Variants in SYNE1 observed in about 807,000 individuals in gnomAD.
The protein encoded by SYNE1 is spectrin repeat containing nuclear envelope protein 1.
SYNE1 carries 616 observed loss-of-function variants against 1,111.0 expected under a neutral mutation model. That is an observed-to-expected ratio of 0.55 (90% confidence interval 0.52 to 0.59). The LOEUF (loss-of-function observed/expected upper bound fraction) is 0.59. SYNE1 is among the 20% of genes least tolerant of loss of function. The pLI is 0.00. For missense variants in SYNE1, 10,006 were observed against 10,417.0 expected, an observed-to-expected ratio of 0.96 and a Z score of 1.72; for synonymous variants, 3,855 against 3,825.8, an observed-to-expected ratio of 1.01 and a Z score of -0.28.
At chr6:152,614,030 AC>A (rs911130723) in intron 3 of SYNE1, among the ~76,000 whole-genome samples, 1 of 152,218 alleles carries the variant, frequency 6.6e-6, no homozygotes. Context: ...AACCACAGAA[AC>A]CCTAGAAGAA....
At chr6:152,399,276 T>A (rs490448) in intron 48 of SYNE1, among the ~76,000 whole-genome samples, 59,593 of 152,022 alleles carry the variant, frequency 0.39, 12,159 homozygotes, top group East Asian at 0.76. Context: ...GCATAAAAAA[T>A]TTCAGCAGTT....
At chr6:152,363,801 C>T (rs768965171) in intron 63 of SYNE1, 2 of 454,886 alleles carry the variant, frequency 4.4e-6, no homozygotes, top group Non-Finnish European at 8.8e-6. Context: ...AACTGCTCTT[C>T]TAATTCATAT....
chr6:152,318,290 A>G lies in SYNE1; in HGVS notation c.16390-27T>C, dbSNP rs763134809. The G allele has an allele frequency of 1.9e-6, 3 of 1,613,376 alleles. No individual in the cohort carries two copies. The South Asian group carries it at 3.3e-5, about 18-fold the overall frequency. The stretch of plus-strand genomic sequence containing the variant: ...TTGATGGTCACCAAAATGAAAGAAC[A>G]TTAGAGTACAGAAAATAAATTTCTC... On this transcript the variant is annotated intron_variant, in intron 85 of 145. Transcript: ENST00000367255.
intron 61 of SYNE1, chr6:152,367,656 C>A: frequency 2.2e-6 from 1 of 452,324 alleles, no homozygotes; most frequent in Non-Finnish European, 4.1e-6. Flanking sequence ...TAAAATTTCT[C>A]CCTAATGCCT....
intron 69 of SYNE1, among the ~76,000 whole-genome samples, 160 bp downstream of exon 69, chr6:152,353,103 C>G (rs909718551): frequency 1.3e-5 from 2 of 152,116 alleles, no homozygotes; most frequent in Admixed American, 1.3e-4. Context: ...TAGCTTTTGG[C>G]CTTAAGGAGC....
At chr6:152,609,192 G>A (rs1052333991) in intron 3 of SYNE1, among the ~76,000 whole-genome samples, 9 of 152,104 alleles carry the variant, frequency 5.9e-5, no homozygotes, top group African/African-American at 1.7e-4. Context: ...GAAGTGCAAG[G>A]GGTTGGGGGA....
rs1588109452 is a variant in SYNE1 at position 152,220,476 on chromosome 6, T to C, written c.21861+366A>G. Among the ~76,000 whole-genome samples, 3 of 150,760 alleles carry C rather than the reference T, an allele frequency of 2.0e-5. No homozygotes were observed. The South Asian group carries it at 6.3e-4, about 32-fold the overall frequency. Reference sequence around the variant, plus strand: ...AGATGCTTACATAGGAGTTAATGAATGTAAATGGACAACATCTGGAACAGA... The same window carrying C: ...AGATGCTTACATAGGAGTTAATGAACGTAAATGGACAACATCTGGAACAGA... On this transcript the variant is annotated intron_variant, in intron 119 of 145. Transcript: ENST00000367255.
rs1167368868 is a variant in SYNE1 at position 152,373,093 on chromosome 6, T to C, written c.9451A>G (p.Lys3151Glu). ...GAATGAAAATTTTTCCAATCTTCTT[T>C]TGCAGCTGTAACTTTGGCCTGGATC... ...KGIQAKVTAAKEDWKNFHSNL... is the reference protein window; with the variant it reads ...KGIQAKVTAAEEDWKNFHSNL... The change falls in exon 59 of 146, where the codon AAA (lysine) becomes GAA (glutamate). Residue 3151 changes from lysine to glutamate, a missense_variant. By Grantham distance (56) the Lys-to-Glu change is moderately conservative. This residue lies in a region of SYNE1 where 4,955 missense variants were observed against 5,017.2 expected (regional missense o/e 0.99). Transcript: ENST00000367255. 2 of 1,614,188 alleles carry C rather than the reference T, an allele frequency of 1.2e-6. No individual in the cohort carries two copies. Among genetic ancestry groups the C allele is most frequent in the South Asian group, 2.2e-5 (2 of 91,078 alleles).
intron 126 of SYNE1, among the ~76,000 whole-genome samples, chr6:152,203,028 A>T (rs991658241): frequency 5.9e-5 from 9 of 152,210 alleles, no homozygotes; most frequent in African/African-American, 2.2e-4. Context: ...GGTGGTAGAG[A>T]TAGGCAGTAT....
chr6:152,524,350 T>G (rs1564631992), intron 5 of SYNE1, among the ~76,000 whole-genome samples: 1 of 152,206 alleles, frequency 6.6e-6, no homozygotes, highest in Non-Finnish European at 1.5e-5. Flanking sequence ...TGTATCACAT[T>G]TATTGACTTG....
At chr6:152,338,460 A>G (rs572607412) in intron 75 of SYNE1, among the ~76,000 whole-genome samples, 14 of 152,050 alleles carry the variant, frequency 9.2e-5, no homozygotes, top group African/African-American at 3.1e-4. Flanking sequence ...TGTCTCTACA[A>G]AAAGTATAAA....
intron 4 of SYNE1, among the ~76,000 whole-genome samples, chr6:152,532,495 G>A (rs2099208599): frequency 6.6e-6 from 1 of 152,176 alleles, no homozygotes; most frequent in African/African-American, 2.4e-5. Flanking sequence ...AACTGAACCA[G>A]AAAATGCTTA....
At chr6:152,159,412 C>T (rs1563107179) in intron 131 of SYNE1, among the ~76,000 whole-genome samples, 1 of 152,148 alleles carries the variant, frequency 6.6e-6, no homozygotes, top group African/African-American at 2.4e-5. Context: ...TACTTTTAAC[C>T]ACTGGTGTAC....
At chr6:152,502,821 A>G (rs2099037088) in intron 9 of SYNE1, 79 bp from the exon 10 acceptor site, 1 of 1,122,838 alleles carries the variant, frequency 8.9e-7, no homozygotes, top group South Asian at 1.3e-5. Context: ...GTATCTAGCT[A>G]TCACACCAAA....
At chr6:152,422,496 C>T (rs922827146) in intron 39 of SYNE1, among the ~76,000 whole-genome samples, 3 of 146,202 alleles carry the variant, frequency 2.1e-5, no homozygotes, top group Admixed American at 6.7e-5. Flanking sequence ...TATGAAATAG[C>T]CTTTTTTTTT....
Position 152,368,971 on chromosome 6 carries a change from C to T in SYNE1, c.9807+1G>A. 6.2e-7 allele frequency: 1 copy of T among 1,614,178 alleles called. No individual in the cohort carries two copies. The highest frequency in any genetic ancestry group is 8.5e-7 in the Non-Finnish European group (1 of 1,180,038). On this transcript the variant is annotated splice_donor_variant, in intron 61 of 145. Coordinates refer to ENST00000367255, the MANE Select transcript of SYNE1 (RefSeq NM_182961.4). LOFTEE classifies it high-confidence loss of function. ...CACACACAGCACGTGCCAGGCGTTACCTTTGTTAAATTGCTTAGCGCTAGA... is the reference window on the plus strand; with the variant it reads ...CACACACAGCACGTGCCAGGCGTTATCTTTGTTAAATTGCTTAGCGCTAGA...
At chr6:152,380,690 C>T (rs1020190759) in intron 56 of SYNE1, 3 of 366,748 alleles carry the variant, frequency 8.2e-6, no homozygotes, top group East Asian at 6.9e-5. Context: ...TATGCCCCTG[C>T]CCACAGGCCA....
At chr6:152,595,742 CTT>C (rs2099579248) in intron 3 of SYNE1, among the ~76,000 whole-genome samples, 1 of 152,140 alleles carries the variant, frequency 6.6e-6, no homozygotes, top group Non-Finnish European at 1.5e-5. Flanking sequence ...ACTCTGGAAA[CTT>C]TACAGCAGCA....
chr6:152,465,119 A>C (rs2098756870), intron 18 of SYNE1, 139 bp downstream of exon 18: 1 of 917,224 alleles, frequency 1.1e-6, no homozygotes, highest in Admixed American at 2.0e-5. Context: ...GCTAACCTGA[A>C]AGTGCAACTT....
Sources: allele counts gnomAD v4.1 joint callset (sites outside exome capture counted in the v4.1 genomes callset), GRCh38; gene constraint gnomAD v4.1.1; regional missense constraint gnomAD v4.1.1; transcripts MANE v1.5; gene names NCBI Gene and HGNC (gene_info 2026-07-23, HGNC 2026-07-21).